KLRG1: variants seen among roughly 807,000 people sequenced by gnomAD.
KLRG1 encodes the protein killer cell lectin-like receptor subfamily G member 1.
KLRG1 carries 16 observed loss-of-function variants against 21.8 expected under a neutral mutation model. The observed-to-expected ratio is 0.73, with a 90% CI of 0.50 to 1.11. KLRG1 has a LOEUF of 1.11. KLRG1 is among the 50% of genes most tolerant of loss of function. The probability of loss-of-function intolerance (pLI) is 0.00; values close to 1 mark genes in which losing one functional copy is unlikely to be tolerated. For synonymous variants in KLRG1, 69 were observed against 75.9 expected (o/e 0.91, Z 0.47); for missense variants, 173 against 218.3 (o/e 0.79, Z 1.31).
intron 1 of KLRG1, among the ~76,000 whole-genome samples, chr12:8,982,739 G>C (rs938192238): frequency 2.0e-5 from 3 of 148,846 alleles, no homozygotes; most frequent in African/African-American, 7.4e-5. Context: ...TCCACCTTTT[G>C]GGTTCAAGCA....
the KLRG1 span, chr12:9,068,004 C>T: frequency 2.1e-6 from 2 of 964,166 alleles, no homozygotes; most frequent in African/African-American, 1.6e-5. Flanking sequence ...CCTATGGACT[C>T]TCTGAGGTTT....
the KLRG1 span, among the ~76,000 whole-genome samples, chr12:9,145,716 G>A: frequency 6.6e-6 from 1 of 152,070 alleles, no homozygotes; most frequent in Non-Finnish European, 1.5e-5. Flanking sequence ...TAGCATTTCT[G>A]GTAAGACAAA....
intron 1 of KLRG1, among the ~76,000 whole-genome samples, chr12:8,983,749 T>C (rs1358037866): frequency 3.3e-5 from 5 of 152,162 alleles, no homozygotes; most frequent in Admixed American, 3.3e-4. Flanking sequence ...TCCTTTTTTG[T>C]TTCTGTTGAG....
At chr12:9,121,907 T>C in the KLRG1 span, among the ~76,000 whole-genome samples, 1 of 152,200 alleles carries the variant, frequency 6.6e-6, no homozygotes, top group African/African-American at 2.4e-5. This position sits in a 1 kb window ranked among gnomAD's most constrained non-coding sequence, Gnocchi z 4.4. Flanking sequence ...TGTGTATATA[T>C]TTTCCCAGCA....
At chr12:8,956,826 A>G (rs779396065) in intron 1 of KLRG1, among the ~76,000 whole-genome samples, 6 of 152,206 alleles carry the variant, frequency 3.9e-5, no homozygotes, top group Non-Finnish European at 5.9e-5. Context: ...CCAGTGCCCA[A>G]GGCAGAAGCT....
chr12:8,989,236 G>T (rs916198782), upstream of KLRG1, among the ~76,000 whole-genome samples: 1 of 152,104 alleles, frequency 6.6e-6, no homozygotes, highest in Non-Finnish European at 1.5e-5. Context: ...GTCTCATTTG[G>T]CATACATCTA....
the KLRG1 span, chr12:9,166,345 T>C: frequency 7.5e-5 from 56 of 741,862 alleles, no homozygotes; most frequent in South Asian, 9.7e-4. Context: ...ACTTGGGAAA[T>C]ACTTTGTGAT....
At chr12:9,086,135 C>T in the KLRG1 span, among the ~76,000 whole-genome samples, 1 of 152,138 alleles carries the variant, frequency 6.6e-6, no homozygotes, top group Non-Finnish European at 1.5e-5. Context: ...TACTTTCAAG[C>T]TCATTTTATG....
chr12:8,955,034 A>G (rs978817253), intron 1 of KLRG1, among the ~76,000 whole-genome samples: 3 of 151,682 alleles, frequency 2.0e-5, no homozygotes, highest in Admixed American at 6.6e-5. Context: ...CTTCTGCCTC[A>G]GCCTCCCGAG....
the KLRG1 span, chr12:9,203,774 G>A: frequency 1.6e-5 from 26 of 1,613,944 alleles, no homozygotes; most frequent in East Asian, 4.7e-4. Context: ...TCACAGTGAA[G>A]GAGACACAGT....
At chr12:9,058,254 C>G in the KLRG1 span, 4 of 152,112 alleles carry the variant, frequency 2.6e-5, no homozygotes, top group Non-Finnish European at 4.4e-5. Flanking sequence ...ATCTATCTAG[C>G]TATCTCTCTA....
intron 1 of KLRG1, among the ~76,000 whole-genome samples, chr12:8,956,547 G>C (rs926476489): frequency 7.9e-5 from 12 of 152,240 alleles, no homozygotes; most frequent in Admixed American, 7.8e-4. Context: ...CCAGGTTCAA[G>C]TGATTCTCCT....
At chr12:9,083,010 G>A in the KLRG1 span, among the ~76,000 whole-genome samples, 1 of 152,172 alleles carries the variant, frequency 6.6e-6, no homozygotes, top group South Asian at 2.1e-4. Context: ...TTCCACAGTG[G>A]TTGAACTAGT....
the KLRG1 span, among the ~76,000 whole-genome samples, chr12:9,150,445 G>A: frequency 6.6e-6 from 1 of 152,116 alleles, no homozygotes; most frequent in African/African-American, 2.4e-5. Flanking sequence ...ACCACACCCA[G>A]CTAATTTTTT....
chr12:9,069,763 G>A, the KLRG1 span: 1 of 1,612,662 alleles, frequency 6.2e-7, no homozygotes, highest in South Asian at 1.1e-5. Flanking sequence ...GGTAAATCAA[G>A]ACATGGTTGC....
chr12:8,959,847 A>T (rs760482851), intron 1 of KLRG1, among the ~76,000 whole-genome samples: 16 of 152,240 alleles, frequency 1.1e-4, no homozygotes, highest in Non-Finnish European at 2.2e-4. Flanking sequence ...TACTGGTAGT[A>T]TGTAGAAACA....
the KLRG1 span, chr12:9,095,536 T>C: frequency 6.2e-7 from 1 of 1,609,600 alleles, no homozygotes; most frequent in Non-Finnish European, 8.5e-7. Context: ...ATAAGGAGTT[T>C]ACCTCTAGGA....
the KLRG1 span, among the ~76,000 whole-genome samples, chr12:9,172,632 A>G: frequency 6.6e-6 from 1 of 152,202 alleles, no homozygotes; most frequent in Non-Finnish European, 1.5e-5. Context: ...AAATAAAGGG[A>G]TGGAGGAAAA....
the KLRG1 span, chr12:9,168,517 T>C: frequency 5.2e-6 from 1 of 191,960 alleles, no homozygotes; most frequent in Admixed American, 5.9e-5. Context: ...TGAAGCCCTT[T>C]GTCCTTCTTT....
Sources: allele counts gnomAD v4.1 joint callset (sites outside exome capture counted in the v4.1 genomes callset), GRCh38; gene constraint gnomAD v4.1.1; non-coding constraint Gnocchi (gnomAD v3.1); transcripts MANE v1.5; gene names NCBI Gene and HGNC (gene_info 2026-07-23, HGNC 2026-07-21).